EEIG1: variants seen among roughly 807,000 people sequenced by gnomAD.
EEIG1 encodes the protein estrogen-induced osteoclastogenesis regulator 1, also known as early estrogen-induced gene 1 protein.
the EEIG1 span, among the ~76,000 whole-genome samples, chr9:127,966,071 C>T: frequency 1.4e-5 from 2 of 143,314 alleles, no homozygotes; most frequent in Admixed American, 6.8e-5. Flanking sequence ...GCGGGTGGGC[C>T]GGGAGGGAGG....
chr9:127,948,480 T>G, the EEIG1 span: 1 of 1,530,276 alleles, frequency 6.5e-7, no homozygotes, highest in Non-Finnish European at 9.1e-7. Context: ...CAGGGCCCCC[T>G]GCAGCCTTTC....
At chr9:127,948,013 T>C in the EEIG1 span, 2 of 1,554,228 alleles carry the variant, frequency 1.3e-6, no homozygotes, top group East Asian at 2.3e-5. Context: ...GGGCATGACA[T>C]GGAGGTAAAC....
At chr9:127,977,108 T>C in the EEIG1 span, among the ~76,000 whole-genome samples, 1 of 152,194 alleles carries the variant, frequency 6.6e-6, no homozygotes, top group African/African-American at 2.4e-5. Flanking sequence ...CAGGTTCCAA[T>C]GTCACTGTCT....
At chr9:127,946,505 T>A in the EEIG1 span, among the ~76,000 whole-genome samples, 3 of 152,186 alleles carry the variant, frequency 2.0e-5, no homozygotes, top group African/African-American at 7.2e-5. Context: ...GCTTTTCAAG[T>A]CCCCAACAGG....
At chr9:127,959,707 C>A in the EEIG1 span, among the ~76,000 whole-genome samples, 2 of 152,202 alleles carry the variant, frequency 1.3e-5, no homozygotes, top group Non-Finnish European at 1.5e-5. Flanking sequence ...TGAAGAAGGT[C>A]CTCGCTTCCC....
chr9:127,944,625 G>C, the EEIG1 span: 3 of 1,611,458 alleles, frequency 1.9e-6, no homozygotes, highest in Non-Finnish European at 1.7e-6. Flanking sequence ...CTGGTGGCAA[G>C]CTGGATGCCG....
At chr9:127,967,873 T>A in the EEIG1 span, among the ~76,000 whole-genome samples, 1 of 151,862 alleles carries the variant, frequency 6.6e-6, no homozygotes, top group Non-Finnish European at 1.5e-5. Flanking sequence ...GACAGGCACC[T>A]GGAGTTCCCC....
the EEIG1 span, among the ~76,000 whole-genome samples, chr9:127,977,559 C>T: frequency 6.6e-6 from 1 of 152,316 alleles, no homozygotes; most frequent in African/African-American, 2.4e-5. Context: ...CCCACCCCAC[C>T]GCCCACCAAA....
chr9:127,964,537 G>C, the EEIG1 span, among the ~76,000 whole-genome samples: 2 of 152,230 alleles, frequency 1.3e-5, no homozygotes, highest in African/African-American at 4.8e-5. Context: ...CTCAGAGTTG[G>C]AGCAAAAGTG....
the EEIG1 span, among the ~76,000 whole-genome samples, chr9:127,972,825 C>G: frequency 1.3e-5 from 2 of 152,154 alleles, no homozygotes; most frequent in Non-Finnish European, 2.9e-5. This position sits in a 1 kb window ranked among gnomAD's most constrained non-coding sequence, Gnocchi z 4.3. Flanking sequence ...CCAAAAGAGG[C>G]TCAGGGCAAA....
chr9:127,952,540 G>C, the EEIG1 span, among the ~76,000 whole-genome samples: 55 of 152,298 alleles, frequency 3.6e-4, no homozygotes, highest in African/African-American at 1.3e-3. Flanking sequence ...ACTGTCTGTG[G>C]GTACAGTGAA....
chr9:127,951,344 T>C, the EEIG1 span, among the ~76,000 whole-genome samples: 7 of 152,154 alleles, frequency 4.6e-5, no homozygotes, highest in Middle Eastern at 3.4e-3. Flanking sequence ...AGATAGATAA[T>C]GAAATGTTTG....
chr9:127,956,700 C>G, the EEIG1 span, among the ~76,000 whole-genome samples: 1 of 150,964 alleles, frequency 6.6e-6, no homozygotes, highest in African/African-American at 2.4e-5. Context: ...CGTGAGCCAC[C>G]ACACCCGGCC....
At chr9:127,970,816 G>GCCGTGCCTCTGCCA in the EEIG1 span, among the ~76,000 whole-genome samples, 4 of 25,580 alleles carry the variant, frequency 1.6e-4, no homozygotes, top group Admixed American at 1.1e-3. Flanking sequence ...TGCCTCTGCC[G>GCCGTGCCTCTGCCA]CAGGCTGCTC....
chr9:127,950,105 G>A, the EEIG1 span, among the ~76,000 whole-genome samples: 3 of 152,238 alleles, frequency 2.0e-5, no homozygotes, highest in African/African-American at 7.2e-5. Context: ...ACCACAGCTC[G>A]TGGGGCTGCT....
the EEIG1 span, chr9:127,944,527 T>C: frequency 1.0e-6 from 1 of 966,522 alleles, no homozygotes; most frequent in Non-Finnish European, 1.6e-6. Context: ...AGATTTGGCG[T>C]TCAAGGCCAG....
At chr9:127,943,073 G>T in the EEIG1 span, 1 of 886,710 alleles carries the variant, frequency 1.1e-6, no homozygotes, top group Non-Finnish European at 1.9e-6. Flanking sequence ...GGAGTGCATG[G>T]AGGAGGCATG....
chr9:127,977,673 C>T, the EEIG1 span, among the ~76,000 whole-genome samples: 1 of 152,224 alleles, frequency 6.6e-6, no homozygotes, highest in Non-Finnish European at 1.5e-5. Context: ...ATTATCTGTA[C>T]TCTAGAGGTG....
the EEIG1 span, among the ~76,000 whole-genome samples, chr9:127,969,079 C>G: frequency 1.3e-5 from 2 of 152,226 alleles, no homozygotes; most frequent in African/African-American, 4.8e-5. Flanking sequence ...ACATAAAAAA[C>G]CCTTAGGGGC....
Sources: gnomAD v4.1 joint callset for allele counts (sites outside exome capture counted in the v4.1 genomes callset) on GRCh38, gnomAD v4.1.1 for gene constraint, Gnocchi (gnomAD v3.1) non-coding constraint, MANE v1.5 for transcripts, NCBI Gene and HGNC (gene_info 2026-07-23, HGNC 2026-07-21) for gene names.